The following ABHD5 variants were observed in gnomAD, a reference collection of about 807,000 sequenced individuals.
ABHD5 encodes the protein abhydrolase domain containing 5, lysophosphatidic acid acyltransferase.
In ABHD5, 30 loss-of-function variants were observed where a neutral mutation model predicts 44.9. The ratio of observed to expected loss-of-function variants is 0.67; its 90% CI spans 0.50 to 0.91. The LOEUF is 0.91. ABHD5 is among the 40% of genes least tolerant of loss of function. The pLI is 0.00. For synonymous variants in ABHD5, 167 were observed against 147.0 expected (o/e 1.14, Z -0.99); for missense variants, 399 against 423.4 (o/e 0.94, Z 0.50).
intron 2 of ABHD5, 49 bp downstream of exon 2, chr3:43,699,410 C>G (rs758019083): frequency 1.3e-6 from 2 of 1,487,700 alleles, no homozygotes. Flanking sequence ...TAAGATAGGT[C>G]CAATATATCT....
intron 3 of ABHD5, chr3:43,707,516 C>A (rs2084635812): frequency 6.6e-6 from 1 of 152,148 alleles, no homozygotes; most frequent in South Asian, 2.1e-4. Context: ...ATGGGAAATA[C>A]CTGGGGCCAA....
chr3:43,729,002 A>G (rs1487306773), intron 7 of ABHD5, among the ~76,000 whole-genome samples: 1 of 152,190 alleles, frequency 6.6e-6, no homozygotes, highest in Non-Finnish European at 1.5e-5. Context: ...TTGCTGGGAG[A>G]GAGACTTAGC....
At chr3:43,698,720 C>T (rs2084502724) in intron 1 of ABHD5, among the ~76,000 whole-genome samples, 1 of 152,134 alleles carries the variant, frequency 6.6e-6, no homozygotes, top group Non-Finnish European at 1.5e-5. Flanking sequence ...ACCAGTTCAC[C>T]CTAAGGAGAT....
chr3:43,708,769 A>G (rs1305684295), intron 3 of ABHD5, among the ~76,000 whole-genome samples: 1 of 152,214 alleles, frequency 6.6e-6, no homozygotes, highest in African/African-American at 2.4e-5. Context: ...AGAGTTTTAA[A>G]AAATTATGTT....
At chr3:43,705,110 A>C (rs1478077138) in intron 3 of ABHD5, among the ~76,000 whole-genome samples, 4 of 152,220 alleles carry the variant, frequency 2.6e-5, no homozygotes, top group Non-Finnish European at 4.4e-5. Flanking sequence ...TGCCTAGTAA[A>C]TATTTCTTGA....
At chr3:43,714,054 AAAGC>A (rs1426295146) in intron 4 of ABHD5, among the ~76,000 whole-genome samples, 3 of 151,780 alleles carry the variant, frequency 2.0e-5, no homozygotes, top group African/African-American at 7.3e-5. Flanking sequence ...TGACTAGAAG[AAAGC>A]TTCTGCTCTT....
chr3:43,726,526 G>A (rs9831161), downstream of ABHD5, among the ~76,000 whole-genome samples: 7,229 of 152,252 alleles, frequency 0.047, 201 homozygotes, highest in Non-Finnish European at 0.058. Flanking sequence ...TCTGTATGGC[G>A]TCTTCCTTAT....
Position 43,717,711 on chromosome 3 carries a change from T to A in ABHD5, c.814T>A (p.Trp272Arg). The A allele has an allele frequency of 6.2e-7, 1 of 1,614,228 alleles. No homozygotes were observed. The highest frequency in any genetic ancestry group is 8.5e-7 in the Non-Finnish European group (1 of 1,180,038). The part of the protein sequence containing the change: ...AFKNMTIPYG[W>R]AKRPMLQRIG... ...CAAGAATATGACTATTCCTTATGGA[T>A]GGGCAAAAAGGCCAATGCTCCAGCG... Residue 272 changes from tryptophan to arginine, a missense_variant, in exon 6 of 7, where the codon TGG becomes AGG. Physicochemically the swap from Trp to Arg is moderately radical, Grantham distance 101. Transcript: ENST00000644371.
chr3:43,698,422 C>G (rs1223238979), intron 1 of ABHD5, among the ~76,000 whole-genome samples: 1 of 152,106 alleles, frequency 6.6e-6, no homozygotes, highest in Non-Finnish European at 1.5e-5. Context: ...AGCCATGCAC[C>G]GAGCCCTTGC....
chr3:43,701,824 C>T (rs568322054), intron 2 of ABHD5: 12 of 161,816 alleles, frequency 7.4e-5, no homozygotes, highest in Non-Finnish European at 1.1e-4. Context: ...AATTGTAGAA[C>T]ACCTGACAGT....
intron 3 of ABHD5, among the ~76,000 whole-genome samples, chr3:43,707,163 A>T (rs2084631337): frequency 6.6e-6 from 1 of 152,272 alleles, no homozygotes; most frequent in Non-Finnish European, 1.5e-5. Context: ...GTACCCCATT[A>T]AAAAAACTAT....
chr3:43,707,512 A>G (rs2084635724), intron 3 of ABHD5: 1 of 152,144 alleles, frequency 6.6e-6, no homozygotes, highest in African/African-American at 2.4e-5. Context: ...GCCAATGGGA[A>G]ATACCTGGGG....
At chr3:43,691,240 C>A in intron 1 of ABHD5, 1 of 445,076 alleles carries the variant, frequency 2.2e-6, no homozygotes, top group Non-Finnish European at 3.7e-6. Context: ...CTCCCCTCAG[C>A]GTCGGGGCCC....
rs552702121 is a variant in ABHD5, at chr3:43,700,168, G to GGGGTAGGATTCTTATA, written c.133+808_133+823dup. ...AGCTTCTCATTTCTTATAAAATGAA[G>GGGGTAGGATTCTTATA]GGGTAGGATTCTTATAAAATGAATG... is the stretch of plus-strand genomic sequence containing the variant. On this transcript the variant is annotated intron_variant, in intron 2 of 6. Coordinates refer to ENST00000644371, the MANE Select transcript of ABHD5 (RefSeq NM_016006.6). 3.1e-3 allele frequency among the ~76,000 whole-genome samples: 469 copies of GGGGTAGGATTCTTATA among 152,292 alleles called. 4 individuals carry two copies. Among genetic ancestry groups the GGGGTAGGATTCTTATA allele is most frequent in the African/African-American group, 0.011 (456 of 41,556 alleles).
At chr3:43,702,937 T>C (rs1440604926) in intron 3 of ABHD5, among the ~76,000 whole-genome samples, 2 of 152,202 alleles carry the variant, frequency 1.3e-5, no homozygotes, top group African/African-American at 2.4e-5. Flanking sequence ...TTCTAAGTTA[T>C]AGTAAGCTGT....
At chr3:43,706,024 A>G (rs988636675) in intron 3 of ABHD5, among the ~76,000 whole-genome samples, 3 of 152,258 alleles carry the variant, frequency 2.0e-5, no homozygotes, top group East Asian at 1.9e-4. Context: ...TTAAGTGTTC[A>G]CCATTATAGC....
intron 4 of ABHD5, among the ~76,000 whole-genome samples, chr3:43,713,270 C>T (rs2084711569): frequency 6.8e-6 from 1 of 148,096 alleles, no homozygotes; most frequent in South Asian, 2.1e-4. Context: ...TTGTGGCGAG[C>T]CAAGATCGCA....
chr3:43,718,474 C>T lies in ABHD5; in HGVS notation c.992C>T (p.Ala331Val). ...CTTGGGGCAGGACATTATGTATATG[C>T]AGATCAACCAGAAGAATTCAACCAG... ...AILGAGHYVY[A>V]DQPEEFNQKV... is the part of the protein sequence containing the mutation. Residue 331 changes from alanine to valine, a missense_variant, in exon 7 of 7, where the codon GCA becomes GTA. Physicochemically the swap from Ala to Val is moderately conservative, Grantham distance 64. Coordinates refer to ENST00000644371, the MANE Select transcript of ABHD5 (RefSeq NM_016006.6). 6.2e-7 allele frequency: 1 copy of T among 1,614,038 alleles called. No homozygotes were observed. Among genetic ancestry groups the T allele is most frequent in the Non-Finnish European group, 8.5e-7 (1 of 1,179,990 alleles).
At position 43,691,040 on chromosome 3, in the gene ABHD5, G is replaced by C; in HGVS notation, c.47+1G>C. 1 of 1,556,164 alleles carries C rather than the reference G, an allele frequency of 6.4e-7. No homozygotes were observed. Among genetic ancestry groups the C allele is most frequent in the Non-Finnish European group, 8.7e-7 (1 of 1,153,118 alleles). ...TGGACTCTGCCGACACCGGAGAGAG[G>C]TAAGCGCAGCCGGCAGGGGGCTTCG... is the stretch of plus-strand genomic sequence containing the variant. On this transcript the variant is annotated splice_donor_variant, in intron 1 of 6. Transcript: ENST00000644371. LOFTEE classifies it high-confidence loss of function.
Sources: gnomAD v4.1 joint callset for allele counts (sites outside exome capture counted in the v4.1 genomes callset) on GRCh38, gnomAD v4.1.1 for gene constraint, MANE v1.5 for transcripts, NCBI Gene and HGNC (gene_info 2026-07-23, HGNC 2026-07-21) for gene names.